KIF16B: variants seen among roughly 807,000 people sequenced by gnomAD.
KIF16B encodes the protein kinesin-like protein KIF16B.
KIF16B carries 98 observed loss-of-function variants against 156.3 expected under a neutral mutation model. The observed-to-expected ratio is 0.63, with a 90% confidence interval of 0.53 to 0.74. The LOEUF is 0.74. KIF16B is among the 30% of genes least tolerant of loss of function. The probability of loss-of-function intolerance (pLI) is 0.00; values close to 1 mark genes in which losing one functional copy is unlikely to be tolerated. For missense variants in KIF16B, 1,421 were observed against 1,606.5 expected (o/e 0.88, Z 1.97); for synonymous variants, 564 against 583.7 (o/e 0.97, Z 0.49).
chr20:16,499,401 C>T (rs1356844201), intron 10 of KIF16B, among the ~76,000 whole-genome samples: 1 of 152,158 alleles, frequency 6.6e-6, no homozygotes, highest in Non-Finnish European at 1.5e-5. Context: ...AGGTGTCATC[C>T]CACTTTTATC....
intron 3 of KIF16B, among the ~76,000 whole-genome samples, chr20:16,521,520 T>C (rs926049895): frequency 6.6e-6 from 1 of 151,920 alleles, no homozygotes; most frequent in Non-Finnish European, 1.5e-5. Flanking sequence ...TGGGACTATG[T>C]GAAAAGACCA....
At chr20:16,312,312 G>C (rs778858292) in intron 25 of KIF16B, 23 bp downstream of exon 25, 1 of 1,568,444 alleles carries the variant, frequency 6.4e-7, no homozygotes, top group African/African-American at 1.4e-5. Context: ...ATACACAGAG[G>C]AAAAACAGCT....
At chr20:16,560,897 ACTT>A (rs1391535462) in intron 1 of KIF16B, among the ~76,000 whole-genome samples, 1 of 152,196 alleles carries the variant, frequency 6.6e-6, no homozygotes, top group African/African-American at 2.4e-5. Context: ...GATTTTACCA[ACTT>A]CTTCTCTGGA....
chr20:16,405,277 A>C (rs1273003982), intron 16 of KIF16B, among the ~76,000 whole-genome samples: 1 of 152,150 alleles, frequency 6.6e-6, no homozygotes, highest in African/African-American at 2.4e-5. Context: ...CACACTTAGA[A>C]CGATAAAGAA....
Position 16,526,219 on chromosome 20 carries a change from AT to A in KIF16B, c.118-15del. 7.0e-7 allele frequency: 1 copy of A among 1,438,406 alleles called. No individual in the cohort carries two copies. The highest frequency in any genetic ancestry group is 9.6e-7 in the Non-Finnish European group (1 of 1,036,494). 89.1% of individuals were successfully genotyped at this position (1,438,406 alleles called of 1,614,324 possible). A position where few individuals can be genotyped will look rare whatever the true frequency, so the allele number is the denominator to read the frequency against. On this transcript the variant is annotated splice_polypyrimidine_tract_variant and intron_variant, in intron 2 of 25. Coordinates refer to ENST00000354981, the MANE Select transcript of KIF16B (RefSeq NM_024704.5). ...TCCTTCTGGTATCTAGAAAGAAATG[AT>A]TAGAATAATAATGATAATGTAAAGA...
At chr20:16,405,809 C>A (rs921472611) in intron 16 of KIF16B, among the ~76,000 whole-genome samples, 1 of 152,074 alleles carries the variant, frequency 6.6e-6, no homozygotes, top group Admixed American at 6.5e-5. Flanking sequence ...TTATTATTTT[C>A]TTCAGTCTAA....
intron 25 of KIF16B, among the ~76,000 whole-genome samples, chr20:16,279,697 G>A (rs1438550933): frequency 2.0e-5 from 3 of 152,060 alleles, no homozygotes; most frequent in Non-Finnish European, 2.9e-5. Flanking sequence ...AGAGTATCCC[G>A]GTGGTCCATC....
At chr20:16,444,150 T>C (rs974812582) in intron 12 of KIF16B, among the ~76,000 whole-genome samples, 1 of 152,228 alleles carries the variant, frequency 6.6e-6, no homozygotes, top group Non-Finnish European at 1.5e-5. Context: ...CTTTCATTAG[T>C]TAAAAAACTA....
intron 24 of KIF16B, among the ~76,000 whole-genome samples, chr20:16,316,280 C>G (rs17659157): frequency 0.15 from 22,179 of 152,146 alleles, 1,723 homozygotes; most frequent in Admixed American, 0.16. Context: ...TGCTGATCAG[C>G]GATACCTAAG....
intron 12 of KIF16B, among the ~76,000 whole-genome samples, chr20:16,443,030 A>G (rs1424287611): frequency 2.0e-5 from 3 of 152,168 alleles, no homozygotes; most frequent in Non-Finnish European, 4.4e-5. Flanking sequence ...AAAATCCAAA[A>G]TCCAAAATGC....
chr20:16,416,040 T>G (rs2066078301), intron 15 of KIF16B, among the ~76,000 whole-genome samples: 1 of 152,202 alleles, frequency 6.6e-6, no homozygotes, highest in Non-Finnish European at 1.5e-5. Flanking sequence ...ATTCATGTCC[T>G]TTGCTCACTT....
chr20:16,377,732 G>A (rs1465718363), intron 19 of KIF16B, among the ~76,000 whole-genome samples: 2 of 152,176 alleles, frequency 1.3e-5, no homozygotes, highest in Non-Finnish European at 2.9e-5. Context: ...GGTGATGTTT[G>A]CATCACCCAG....
chr20:16,333,962 T>C lies in KIF16B; in HGVS notation c.3711+1964A>G, dbSNP rs112758028. 9.8e-4 allele frequency among the ~76,000 whole-genome samples: 149 copies of C among 152,260 alleles called. 1 individual carries two copies. The highest frequency in any genetic ancestry group is 3.2e-3 in the African/African-American group (132 of 41,476). ...GGTAACTGCAACACTGCATGCTTAC[T>C]CTTAAAGTGCTAGCTATTATTTTCT... On this transcript the variant is annotated intron_variant, in intron 24 of 25. Transcript: ENST00000354981.
At chr20:16,358,061 C>T (rs959276165) in intron 22 of KIF16B, among the ~76,000 whole-genome samples, 3 of 152,044 alleles carry the variant, frequency 2.0e-5, no homozygotes, top group African/African-American at 4.8e-5. Flanking sequence ...TGGTGGCATG[C>T]GCCTGTAGTC....
intron 25 of KIF16B, among the ~76,000 whole-genome samples, chr20:16,299,265 C>T (rs1404749385): frequency 6.6e-6 from 1 of 151,834 alleles, no homozygotes; most frequent in Non-Finnish European, 1.5e-5. Flanking sequence ...TAAGATTGGC[C>T]CCATGATGAC....
At chr20:16,329,428 T>C (rs6043893) in intron 24 of KIF16B, among the ~76,000 whole-genome samples, 38 of 152,322 alleles carry the variant, frequency 2.5e-4, no homozygotes, top group African/African-American at 8.7e-4. Flanking sequence ...CTTACACTGA[T>C]TTTAATAGAG....
chr20:16,329,487 G>A lies in KIF16B; in HGVS notation c.3711+6439C>T, dbSNP rs757399113. Among the ~76,000 whole-genome samples, 7 of 152,250 alleles carry A rather than the reference G, an allele frequency of 4.6e-5. No individual in the cohort carries two copies. In the South Asian group the frequency reaches 1.0e-3, roughly 23 times the overall value. ...AGAAAAAGCACTACAGAAATTATTC[G>A]CATGATAAAATTTCAAAGATCTGCT... On this transcript the variant is annotated intron_variant, in intron 24 of 25. Transcript: ENST00000354981.
intron 17 of KIF16B, among the ~76,000 whole-genome samples, chr20:16,396,721 A>G (rs2065514184): frequency 6.6e-6 from 1 of 151,176 alleles, no homozygotes; most frequent in Non-Finnish European, 1.5e-5. Context: ...AATACATTTA[A>G]GTATCACTCA....
chr20:16,278,184 C>A (rs2063093008), intron 25 of KIF16B, among the ~76,000 whole-genome samples: 1 of 151,850 alleles, frequency 6.6e-6, no homozygotes, highest in Admixed American at 6.6e-5. Context: ...CCGAGAGAGA[C>A]AGGGGGCCAC....
Sources: allele counts gnomAD v4.1 joint callset (sites outside exome capture counted in the v4.1 genomes callset), GRCh38; gene constraint gnomAD v4.1.1; transcripts MANE v1.5; gene names NCBI Gene and HGNC (gene_info 2026-07-23, HGNC 2026-07-21).